Variants in MYBL1 observed in about 807,000 individuals in gnomAD.
MYBL1 encodes the protein myb-related protein A.
A neutral mutation model predicts 96.3 loss-of-function variants in MYBL1; 17 were observed. The ratio of observed to expected loss-of-function variants is 0.18; its 90% CI spans 0.12 to 0.26. The LOEUF (loss-of-function observed/expected upper bound fraction) is 0.26, where lower values mean the gene tolerates loss of function less well. MYBL1 is among the 10% of genes least tolerant of loss of function. The pLI, the probability that MYBL1 is intolerant of heterozygous loss-of-function variation, is 1.00. For missense variants in MYBL1, 701 were observed against 882.9 expected (o/e 0.79, Z 2.61); for synonymous variants, 282 against 292.7 (o/e 0.96, Z 0.37).
At chr8:66,572,908 G>A (rs1052448755) in intron 11 of MYBL1, among the ~76,000 whole-genome samples, 4 of 152,006 alleles carry the variant, frequency 2.6e-5, no homozygotes, top group Non-Finnish European at 1.5e-5. Flanking sequence ...GAAAACATAA[G>A]GTTATGATTT....
intron 12 of MYBL1, among the ~76,000 whole-genome samples, chr8:66,570,806 T>C (rs1337010433): frequency 5.3e-5 from 8 of 152,192 alleles, no homozygotes; most frequent in Admixed American, 5.2e-4. Flanking sequence ...ATTTACTTGG[T>C]TAAATTAAAA....
chr8:66,602,504 GGTC>G lies in MYBL1; in HGVS notation c.37_39del (p.Asp13del). ...TCATAATCATGATCGGCATACTGAA[GGTC>G]ATCATCCTCATCCTCACTACAAAAA... On this transcript the variant is annotated inframe_deletion, in exon 2 of 16. Transcript: ENST00000522677. 1.2e-6 allele frequency: 2 copies of G among 1,605,930 alleles called. No individual in the cohort carries two copies. Among genetic ancestry groups the G allele is most frequent in the African/African-American group, 2.7e-5 (2 of 74,434 alleles).
intron 13 of MYBL1, 40 bp from the exon 14 acceptor site, chr8:66,566,828 C>A (rs370570355): frequency 1.3e-4 from 212 of 1,589,644 alleles, no homozygotes; most frequent in Non-Finnish European, 1.8e-4. Context: ...ATGGCAAAGT[C>A]TCTTGGATAC....
intron 1 of MYBL1, among the ~76,000 whole-genome samples, chr8:66,608,440 CAT>C (rs1225670254): frequency 6.6e-6 from 1 of 152,028 alleles, no homozygotes; most frequent in East Asian, 1.9e-4. Flanking sequence ...GTTATCTCTA[CAT>C]ATATATGAGT....
chr8:66,612,735 A>C (rs960288023), intron 1 of MYBL1, 84 bp downstream of exon 1: 1 of 1,291,950 alleles, frequency 7.7e-7, no homozygotes, highest in African/African-American at 1.5e-5. Flanking sequence ...GGAGGGCCTT[A>C]TGGCGGGAGG....
intron 8 of MYBL1, among the ~76,000 whole-genome samples, chr8:66,587,847 C>A (rs1251654460): frequency 1.3e-5 from 2 of 151,996 alleles, no homozygotes; most frequent in African/African-American, 2.4e-5. Flanking sequence ...CTAGTAACTG[C>A]CATATGGTAG....
At chr8:66,589,881 G>A (rs530757377) in intron 8 of MYBL1, among the ~76,000 whole-genome samples, 1 of 152,198 alleles carries the variant, frequency 6.6e-6, no homozygotes, top group Admixed American at 6.5e-5. Context: ...AACAGAAACT[G>A]CAACATAGGG....
chr8:66,573,395 T>C lies in MYBL1; in HGVS notation c.1582A>G (p.Thr528Ala), dbSNP rs770192960. The change falls in exon 11 of 16, where the codon ACA becomes GCA. Residue 528 changes from threonine (T) to alanine (A), a missense_variant. Thr to Ala is a moderately conservative substitution (Grantham distance 58). This residue lies in a region of MYBL1 where 396 missense variants were observed against 407.4 expected (regional missense o/e 0.97). Transcript: ENST00000522677. Reference protein sequence around the residue: ...ALITTPLHKETTPKDQKENVG... With the variant: ...ALITTPLHKEATPKDQKENVG... ...TTTTCCTTTTGATCTTTGGGAGTTG[T>C]TTCCTTATGAAGAGGAGTTGTAATG... The C allele has an allele frequency of 2.6e-5, 42 of 1,610,976 alleles. 1 individual carries two copies. The South Asian group carries it at 4.2e-4, about 16-fold the overall frequency.
At chr8:66,565,220 T>C (rs949842431) in intron 15 of MYBL1, 1 of 152,580 alleles carries the variant, frequency 6.6e-6, no homozygotes, top group Non-Finnish European at 1.5e-5. Context: ...ATGCTTTATT[T>C]ACAAATTAGG....
At chr8:66,605,511 C>A (rs1319550173) in intron 1 of MYBL1, among the ~76,000 whole-genome samples, 1 of 152,116 alleles carries the variant, frequency 6.6e-6, no homozygotes, top group Admixed American at 6.5e-5. Context: ...TAAAAAAGGG[C>A]AAGCCTTAAT....
chr8:66,599,629 C>T (rs751029729), intron 3 of MYBL1, among the ~76,000 whole-genome samples: 1 of 151,960 alleles, frequency 6.6e-6, no homozygotes, highest in Non-Finnish European at 1.5e-5. Flanking sequence ...GGAGAAACCC[C>T]GTCTCTACTA....
chr8:66,579,556 C>G (rs1586566405), intron 9 of MYBL1, among the ~76,000 whole-genome samples: 1 of 151,776 alleles, frequency 6.6e-6, no homozygotes, highest in African/African-American at 2.4e-5. Flanking sequence ...ACTCAGAAGG[C>G]TGAGGCAGGA....
At chr8:66,590,861 G>A (rs1218492704) in intron 8 of MYBL1, among the ~76,000 whole-genome samples, 1 of 152,064 alleles carries the variant, frequency 6.6e-6, no homozygotes, top group South Asian at 2.1e-4. Context: ...TATCACTGTA[G>A]GATGACTACA....
intron 10 of MYBL1, among the ~76,000 whole-genome samples, chr8:66,574,864 G>A (rs928226742): frequency 2.0e-5 from 3 of 152,224 alleles, no homozygotes; most frequent in African/African-American, 7.2e-5. Context: ...AGACCAGCCT[G>A]ACCAACATGG....
rs80226087 is a variant in MYBL1, at chr8:66,570,769, G to A, written c.1728+1713C>T. Among the ~76,000 whole-genome samples the A allele has an allele frequency of 1.8e-3, 281 of 152,140 alleles. 1 individual carries two copies. Among genetic ancestry groups the A allele is most frequent in the African/African-American group, 6.3e-3 (263 of 41,494 alleles). On this transcript the variant is annotated intron_variant, in intron 12 of 15. Coordinates refer to ENST00000522677, the MANE Select transcript of MYBL1 (RefSeq NM_001080416.4). ...CCATACAATGGAATATTATGCAAAC[G>A]TTAAAAATTATGGGATAAATATATA...
At chr8:66,567,723 C>T (rs1586548490) in intron 12 of MYBL1, among the ~76,000 whole-genome samples, 1 of 152,148 alleles carries the variant, frequency 6.6e-6, no homozygotes, top group Non-Finnish European at 1.5e-5. Context: ...CCAAGATATA[C>T]TTGAAAAGGT....
intron 12 of MYBL1, among the ~76,000 whole-genome samples, chr8:66,568,269 A>C (rs960349613): frequency 6.6e-6 from 1 of 151,914 alleles, no homozygotes; most frequent in African/African-American, 2.4e-5. Context: ...CAAAGAGCTT[A>C]TTATTATTAT....
At chr8:66,587,027 A>G (rs1563539712) in intron 8 of MYBL1, among the ~76,000 whole-genome samples, 1 of 152,170 alleles carries the variant, frequency 6.6e-6, no homozygotes, top group East Asian at 1.9e-4. Context: ...AGTGGCTACT[A>G]GAGGAGAAGA....
intron 12 of MYBL1, among the ~76,000 whole-genome samples, chr8:66,570,592 C>T (rs1808690146): frequency 6.6e-6 from 1 of 152,172 alleles, no homozygotes; most frequent in African/African-American, 2.4e-5. Flanking sequence ...AAGGCAGGAA[C>T]CATACTTGAC....
Sources: allele counts gnomAD v4.1 joint callset (sites outside exome capture counted in the v4.1 genomes callset), GRCh38; gene constraint gnomAD v4.1.1; regional missense constraint gnomAD v4.1.1; transcripts MANE v1.5; gene names NCBI Gene and HGNC (gene_info 2026-07-23, HGNC 2026-07-21).